The following PDE1A variants were observed in gnomAD, a reference collection of about 807,000 sequenced individuals.
PDE1A encodes the protein dual specificity calcium/calmodulin-dependent 3',5'-cyclic nucleotide phosphodiesterase 1A.
In PDE1A, 35 loss-of-function variants were observed where a neutral mutation model predicts 61.7. The ratio of observed to expected loss-of-function variants is 0.57; its 90% CI spans 0.43 to 0.75. The LOEUF (loss-of-function observed/expected upper bound fraction) is 0.75. PDE1A is among the 30% of genes least tolerant of loss of function. PDE1A has a pLI of 0.00. For synonymous variants in PDE1A, 232 were observed against 213.2 expected, an observed-to-expected ratio of 1.09 and a Z score of -0.77; for missense variants, 597 against 630.6, an observed-to-expected ratio of 0.95 and a Z score of 0.57.
chr2:182,432,245 T>G (rs16823235), intron 2 of PDE1A, among the ~76,000 whole-genome samples: 5,712 of 152,120 alleles, frequency 0.038, 127 homozygotes, highest in Middle Eastern at 0.071. Context: ...GTTAAGTTAT[T>G]TAAATTTAAT....
the PDE1A span, among the ~76,000 whole-genome samples, chr2:182,686,607 T>G: frequency 4.6e-5 from 7 of 152,310 alleles, no homozygotes; most frequent in African/African-American, 1.7e-4. Context: ...GTGTGAGCAA[T>G]GCAGAGACAG....
the PDE1A span, among the ~76,000 whole-genome samples, chr2:182,628,021 C>CT: frequency 7.8e-4 from 117 of 150,342 alleles, 1 homozygote; most frequent in African/African-American, 2.7e-3. Flanking sequence ...ATTTTCACCT[C>CT]TAACAGTGCT....
At chr2:182,428,684 T>A (rs771324987), upstream of PDE1A, among the ~76,000 whole-genome samples, 1 of 152,104 alleles carries the variant, frequency 6.6e-6, no homozygotes, top group Non-Finnish European at 1.5e-5. Context: ...AAATAACACA[T>A]TGTACAGGTC....
intron 1 of PDE1A, among the ~76,000 whole-genome samples, chr2:182,363,478 A>G (rs1364859252): frequency 6.6e-6 from 1 of 152,000 alleles, no homozygotes; most frequent in Non-Finnish European, 1.5e-5. Flanking sequence ...TACGATAGCC[A>G]GAGAAGACCT....
At chr2:182,503,107 T>C (rs983312784) in intron 2 of PDE1A, among the ~76,000 whole-genome samples, 1 of 148,070 alleles carries the variant, frequency 6.8e-6, no homozygotes, top group East Asian at 2.1e-4. Flanking sequence ...CTCATTCTCT[T>C]CCATCCTTTA....
chr2:182,165,673 G>A (rs549108078), downstream of PDE1A, among the ~76,000 whole-genome samples: 2 of 152,224 alleles, frequency 1.3e-5, no homozygotes, highest in African/African-American at 4.8e-5. Flanking sequence ...ACCAGCTGAG[G>A]TGCTTACTGA....
intron 2 of PDE1A, among the ~76,000 whole-genome samples, chr2:182,493,401 T>C (rs375855630): frequency 2.6e-5 from 4 of 152,212 alleles, no homozygotes; most frequent in African/African-American, 2.4e-5. Flanking sequence ...TCATTTACAT[T>C]AGGCATAGCT....
At chr2:182,580,605 C>T in the PDE1A span, among the ~76,000 whole-genome samples, 1 of 152,150 alleles carries the variant, frequency 6.6e-6, no homozygotes, top group African/African-American at 2.4e-5. Context: ...CAGTCCATAG[C>T]AAGGTTGAGA....
intron 2 of PDE1A, among the ~76,000 whole-genome samples, chr2:182,474,254 C>T (rs1454868765): frequency 1.3e-5 from 2 of 151,842 alleles, no homozygotes; most frequent in Non-Finnish European, 2.9e-5. Flanking sequence ...TTTACTCTTT[C>T]GCTTCAGCTA....
chr2:182,554,761 G>A, the PDE1A span, among the ~76,000 whole-genome samples: 1 of 151,864 alleles, frequency 6.6e-6, no homozygotes, highest in African/African-American at 2.4e-5. Flanking sequence ...AGTTTCCAAG[G>A]CATTCATCTT....
At chr2:182,285,206 T>C (rs1694074847) in intron 1 of PDE1A, among the ~76,000 whole-genome samples, 2 of 152,050 alleles carry the variant, frequency 1.3e-5, no homozygotes, top group African/African-American at 4.8e-5. Context: ...TACTCCTTGG[T>C]TTTTATGTTT....
At chr2:182,328,751 G>A (rs1002608167) in intron 1 of PDE1A, among the ~76,000 whole-genome samples, 1 of 152,112 alleles carries the variant, frequency 6.6e-6, no homozygotes, top group Non-Finnish European at 1.5e-5. Context: ...GTTCCATGGG[G>A]GAACCACCAT....
At chr2:182,271,380 C>T (rs908254082) in intron 1 of PDE1A, among the ~76,000 whole-genome samples, 2 of 151,854 alleles carry the variant, frequency 1.3e-5, no homozygotes, top group African/African-American at 4.8e-5. Context: ...CAAAATAATC[C>T]TATTGAAGCA....
chr2:182,608,658 C>G, the PDE1A span, among the ~76,000 whole-genome samples: 1 of 152,238 alleles, frequency 6.6e-6, no homozygotes, highest in Non-Finnish European at 1.5e-5. Context: ...GGGCTCGGGA[C>G]CTGCAGCGGG....
intron 2 of PDE1A, among the ~76,000 whole-genome samples, chr2:182,448,246 C>A (rs1685269559): frequency 6.6e-6 from 1 of 152,032 alleles, no homozygotes; most frequent in South Asian, 2.1e-4. Flanking sequence ...TTTCTCACTC[C>A]TTTCTTCTTT....
At chr2:182,347,453 C>T (rs1217837657) in intron 1 of PDE1A, among the ~76,000 whole-genome samples, 1 of 152,102 alleles carries the variant, frequency 6.6e-6, no homozygotes. Flanking sequence ...TATTAATCTA[C>T]TTGGGTATCC....
chr2:182,564,403 A>G, the PDE1A span, among the ~76,000 whole-genome samples: 2 of 152,176 alleles, frequency 1.3e-5, no homozygotes, highest in African/African-American at 4.8e-5. Context: ...TCTGGCTTGT[A>G]GAGTTTCTGC....
chr2:182,266,075 C>T (rs139285870), intron 1 of PDE1A, among the ~76,000 whole-genome samples: 42 of 152,220 alleles, frequency 2.8e-4, no homozygotes, highest in African/African-American at 7.0e-4. Flanking sequence ...AAAGACACAC[C>T]TAAATGAAAA....
chr2:182,447,801 G>A (rs933428432), intron 2 of PDE1A, among the ~76,000 whole-genome samples: 10 of 151,944 alleles, frequency 6.6e-5, no homozygotes, highest in Non-Finnish European at 1.5e-4. Flanking sequence ...AGTGATTTCT[G>A]AATTAATTAA....
Sources: allele counts gnomAD v4.1 joint callset (sites outside exome capture counted in the v4.1 genomes callset), GRCh38; gene constraint gnomAD v4.1.1; transcripts MANE v1.5; gene names NCBI Gene and HGNC (gene_info 2026-07-23, HGNC 2026-07-21).